Variants in CSMD1 observed in about 807,000 individuals in gnomAD.
CSMD1 encodes CUB and Sushi multiple domains 1, also known as CUB and sushi domain-containing protein 1.
A neutral mutation model predicts 417.5 loss-of-function variants in CSMD1; 213 were observed. The observed-to-expected ratio is 0.51, with a 90% CI of 0.46 to 0.57. The LOEUF (loss-of-function observed/expected upper bound fraction) is 0.57. CSMD1 is among the 20% of genes least tolerant of loss of function. The pLI is 0.00. For missense variants in CSMD1, 6,923 were observed against 4,529.7 expected (o/e 1.53, Z -15.17); for synonymous variants, 2,862 against 1,736.8 (o/e 1.65, Z -16.11).
chr8:4,156,135 T>C (rs1471829358), intron 3 of CSMD1, among the ~76,000 whole-genome samples: 1 of 152,186 alleles, frequency 6.6e-6, no homozygotes, highest in African/African-American at 2.4e-5. Flanking sequence ...AGAGTCCCTC[T>C]GCCTCACACC....
chr8:3,628,652 A>G (rs1227876401), intron 7 of CSMD1, among the ~76,000 whole-genome samples: 2 of 152,072 alleles, frequency 1.3e-5, no homozygotes, highest in East Asian at 1.9e-4. Context: ...AGGGGAGGGC[A>G]TGGGCATCCT....
At chr8:3,805,825 T>C (rs772652666) in intron 5 of CSMD1, among the ~76,000 whole-genome samples, 1 of 152,172 alleles carries the variant, frequency 6.6e-6, no homozygotes, top group African/African-American at 2.4e-5. Context: ...ATTCAAGCCT[T>C]TTCAACTTCC....
intron 1 of CSMD1, among the ~76,000 whole-genome samples, chr8:4,724,520 A>ATGTGTGTGTGTG (rs66498850): frequency 6.9e-6 from 1 of 145,218 alleles, no homozygotes; most frequent in African/African-American, 2.6e-5. Context: ...TTATATATAT[A>ATGTGTGTGTGTG]TGTGTGTGTG....
intron 9 of CSMD1, among the ~76,000 whole-genome samples, chr8:3,583,729 C>T (rs947779274): frequency 2.6e-5 from 4 of 152,106 alleles, no homozygotes; most frequent in African/African-American, 9.7e-5. Flanking sequence ...GAAGCTACAG[C>T]TGCACAAGCA....
chr8:4,442,013 C>T (rs1376293509), intron 2 of CSMD1, among the ~76,000 whole-genome samples: 1 of 152,252 alleles, frequency 6.6e-6, no homozygotes, highest in African/African-American at 2.4e-5. Flanking sequence ...TGAGTCATTT[C>T]TATGTCCCCC....
At chr8:4,242,957 G>A (rs963558794) in intron 3 of CSMD1, among the ~76,000 whole-genome samples, 1 of 152,094 alleles carries the variant, frequency 6.6e-6, no homozygotes, top group Admixed American at 6.6e-5. Context: ...TGCATGAAAA[G>A]TCAAAGTTTA....
At chr8:4,906,490 G>T (rs542862507) in intron 1 of CSMD1, among the ~76,000 whole-genome samples, 1 of 110,902 alleles carries the variant, frequency 9.0e-6, no homozygotes. Context: ...CCTCTTACAT[G>T]ATTTCACACA....
At chr8:3,695,677 G>C (rs1009987494) in intron 7 of CSMD1, among the ~76,000 whole-genome samples, 1 of 152,144 alleles carries the variant, frequency 6.6e-6, no homozygotes, top group South Asian at 2.1e-4. Context: ...TGATTAGAAA[G>C]ATTCTAGCAA....
chr8:4,534,968 A>T (rs1485124915), intron 2 of CSMD1, among the ~76,000 whole-genome samples: 1 of 151,810 alleles, frequency 6.6e-6, no homozygotes, highest in East Asian at 1.9e-4. Context: ...TCCCCATGTT[A>T]GCCAGGATGG....
intron 28 of CSMD1, among the ~76,000 whole-genome samples, chr8:3,222,486 T>A (rs543911017): frequency 6.6e-6 from 1 of 151,542 alleles, no homozygotes; most frequent in South Asian, 2.1e-4. Context: ...ATTTTTAAAA[T>A]TTTTTGTAGT....
At position 4,936,159 on chromosome 8, in the gene CSMD1, G is replaced by C. The variant is rs10090472; in HGVS notation, c.85+58173C>G. On this transcript the variant is annotated intron_variant, in intron 1 of 69. Coordinates refer to ENST00000635120, the MANE Select transcript of CSMD1 (RefSeq NM_033225.6). ...CACATAATCTTTCTTGCTACATCTA[G>C]ATCCTGAAAATCACATTAAGTTGAG... 3.3e-3 allele frequency among the ~76,000 whole-genome samples: 505 copies of C among 152,288 alleles called. 1 individual carries two copies. Among genetic ancestry groups the C allele is most frequent in the African/African-American group, 0.011 (465 of 41,568 alleles).
intron 1 of CSMD1, among the ~76,000 whole-genome samples, chr8:4,866,485 CA>C (rs1802427258): frequency 6.6e-6 from 1 of 151,834 alleles, no homozygotes; most frequent in African/African-American, 2.4e-5. Context: ...TGCATTTTAG[CA>C]TCTACTTTAT....
In CSMD1 at chr8:4,231,527, T is replaced by A. The variant is rs949085792; in HGVS notation, c.415+188426A>T. On this transcript the variant is annotated intron_variant, in intron 3 of 69. Transcript: ENST00000635120. ...GGAGACATAAGAAAGGTCTGTAATT[T>A]TTTTTTGGTGTTAAAGGCTAAGCAA... is the stretch of plus-strand genomic sequence containing the variant. 2.0e-5 allele frequency among the ~76,000 whole-genome samples: 3 copies of A among 152,256 alleles called. No individual in the cohort carries two copies. The South Asian group carries it at 6.2e-4, about 32-fold the overall frequency.
At chr8:3,738,769 A>C (rs17067267) in intron 6 of CSMD1, among the ~76,000 whole-genome samples, 23,068 of 152,192 alleles carry the variant, frequency 0.15, 2,125 homozygotes, top group African/African-American at 0.25. Flanking sequence ...AAAATAAAAC[A>C]ACCTCCGTCA....
At chr8:4,036,297 C>A (rs1161893253) in intron 3 of CSMD1, among the ~76,000 whole-genome samples, 2 of 151,832 alleles carry the variant, frequency 1.3e-5, no homozygotes, top group Non-Finnish European at 1.5e-5. Context: ...ATGGTCAAGC[C>A]TCCCACTTTA....
At chr8:4,726,449 T>C (rs1809452288) in intron 1 of CSMD1, among the ~76,000 whole-genome samples, 1 of 152,338 alleles carries the variant, frequency 6.6e-6, no homozygotes, top group East Asian at 1.9e-4. Flanking sequence ...CTCCAGCTCT[T>C]TGTGCTCCTT....
chr8:4,788,016 G>T, intron 1 of CSMD1: 1 of 1,590,078 alleles, frequency 6.3e-7, no homozygotes, highest in Non-Finnish European at 8.6e-7. Context: ...GGATCTCAAA[G>T]AAGTAACTCC....
chr8:3,868,427 G>T (rs921349549), intron 5 of CSMD1, among the ~76,000 whole-genome samples: 1 of 152,086 alleles, frequency 6.6e-6, no homozygotes, highest in Non-Finnish European at 1.5e-5. Flanking sequence ...GCAGCTGGGG[G>T]GCAGCTGTAA....
At chr8:3,628,797 G>A (rs1182719135) in intron 7 of CSMD1, among the ~76,000 whole-genome samples, 1 of 152,110 alleles carries the variant, frequency 6.6e-6, no homozygotes, top group African/African-American at 2.4e-5. Flanking sequence ...CCTAGTTTTG[G>A]CACACGTGTC....
Sources: gnomAD v4.1 joint callset for allele counts (sites outside exome capture counted in the v4.1 genomes callset) on GRCh38, gnomAD v4.1.1 for gene constraint, MANE v1.5 for transcripts, NCBI Gene and HGNC (gene_info 2026-07-23, HGNC 2026-07-21) for gene names.